ATF6: variants seen among roughly 807,000 people sequenced by gnomAD.
The protein encoded by ATF6 is activating transcription factor 6, also known as cyclic AMP-dependent transcription factor ATF-6 alpha.
A neutral mutation model predicts 83.6 loss-of-function variants in ATF6; 53 were observed. The observed-to-expected ratio is 0.63, with a 90% CI of 0.51 to 0.80. The LOEUF (loss-of-function observed/expected upper bound fraction) is 0.80, where lower values mean the gene tolerates loss of function less well. Ranked by LOEUF, ATF6 falls within the 30% of genes least tolerant of loss-of-function variation. The pLI is 0.00. For synonymous variants in ATF6, 288 were observed against 285.8 expected (o/e 1.01, Z -0.08); for missense variants, 744 against 797.9 (o/e 0.93, Z 0.81).
chr1:161,865,466 C>T (rs1158472935), intron 14 of ATF6, among the ~76,000 whole-genome samples: 1 of 152,072 alleles, frequency 6.6e-6, no homozygotes, highest in African/African-American at 2.4e-5. Context: ...CCAATCCTAG[C>T]TTTAAACAGA....
intron 6 of ATF6, among the ~76,000 whole-genome samples, chr1:161,799,863 AT>A (rs1685104142): frequency 6.6e-6 from 1 of 152,076 alleles, no homozygotes; most frequent in African/African-American, 2.4e-5. Context: ...CTTTATTTTG[AT>A]TTTTAGTTTT....
intron 6 of ATF6, among the ~76,000 whole-genome samples, chr1:161,796,779 C>T (rs1338375484): frequency 6.6e-6 from 1 of 152,100 alleles, no homozygotes; most frequent in Non-Finnish European, 1.5e-5. Context: ...TGGGGAGAGA[C>T]TATGGGTTTT....
At chr1:161,847,953 C>A (rs1005881799) in intron 10 of ATF6, among the ~76,000 whole-genome samples, 60 of 152,158 alleles carry the variant, frequency 3.9e-4, no homozygotes, top group African/African-American at 1.4e-3. Context: ...TCCCAGAAAG[C>A]ATAGTAGTCT....
intron 14 of ATF6, among the ~76,000 whole-genome samples, chr1:161,892,628 C>CTTTTTTT (rs773642361): frequency 3.7e-4 from 46 of 124,670 alleles, no homozygotes; most frequent in Admixed American, 5.3e-4. Context: ...ACAGGTCATT[C>CTTTTTTT]TTTTTTTTTT....
chr1:161,872,070 A>G (rs948919291), intron 14 of ATF6, among the ~76,000 whole-genome samples: 1 of 151,708 alleles, frequency 6.6e-6, no homozygotes, highest in African/African-American at 2.4e-5. Context: ...TAACACTTAT[A>G]CAGAACACAA....
chr1:161,814,018 G>A (rs1303609522), intron 7 of ATF6, among the ~76,000 whole-genome samples: 1 of 151,704 alleles, frequency 6.6e-6, no homozygotes, highest in Admixed American at 6.6e-5. Context: ...CCGAGTAGCT[G>A]GGATTACAGG....
intron 14 of ATF6, among the ~76,000 whole-genome samples, chr1:161,903,279 C>G (rs1687824899): frequency 6.6e-6 from 1 of 152,086 alleles, no homozygotes; most frequent in South Asian, 2.1e-4. Context: ...GGGGTGTCTC[C>G]TTTTCCTGGT....
chr1:161,785,800 C>A (rs533584579), intron 4 of ATF6, among the ~76,000 whole-genome samples: 2 of 152,080 alleles, frequency 1.3e-5, no homozygotes, highest in Non-Finnish European at 2.9e-5. Context: ...AATTTTACAT[C>A]CTCATCAGCA....
intron 9 of ATF6, among the ~76,000 whole-genome samples, chr1:161,845,736 A>G (rs1240659392): frequency 6.7e-6 from 1 of 149,654 alleles, no homozygotes; most frequent in Non-Finnish European, 1.5e-5. Flanking sequence ...TGATTGTGCC[A>G]CTGCACTCCA....
intron 15 of ATF6, among the ~76,000 whole-genome samples, chr1:161,943,843 C>A (rs1688697853): frequency 6.6e-6 from 1 of 152,192 alleles, no homozygotes; most frequent in Non-Finnish European, 1.5e-5. Context: ...TAGTTTTATC[C>A]TTAGTCTTTA....
chr1:161,912,647 G>C (rs1423687990), intron 15 of ATF6, among the ~76,000 whole-genome samples: 1 of 152,066 alleles, frequency 6.6e-6, no homozygotes, highest in Non-Finnish European at 1.5e-5. Context: ...ACTTGCATCT[G>C]CGACCCTTCT....
chr1:161,776,983 G>A (rs940596863), intron 1 of ATF6, among the ~76,000 whole-genome samples: 10 of 152,170 alleles, frequency 6.6e-5, no homozygotes, highest in Admixed American at 4.6e-4. Context: ...GAGGAAAACT[G>A]GGTAAGTGTG....
chr1:161,918,795 G>T (rs891385770), intron 15 of ATF6, among the ~76,000 whole-genome samples: 7 of 152,146 alleles, frequency 4.6e-5, no homozygotes, highest in Non-Finnish European at 8.8e-5. Context: ...GTAAAATTTT[G>T]GAGAGGGTGG....
At chr1:161,915,637 T>C (rs79442588) in intron 15 of ATF6, among the ~76,000 whole-genome samples, 1 of 151,818 alleles carries the variant, frequency 6.6e-6, no homozygotes, top group African/African-American at 2.4e-5. Flanking sequence ...TTTTTTTTTT[T>C]CCTCGAGGGA....
At chr1:161,946,618 T>A (rs773083389) in intron 15 of ATF6, among the ~76,000 whole-genome samples, 1 of 152,210 alleles carries the variant, frequency 6.6e-6, no homozygotes, top group South Asian at 2.1e-4. Flanking sequence ...GCAAAGCCCT[T>A]GGGGGATGGA....
At chr1:161,910,842 T>C (rs1687977997) in intron 14 of ATF6, among the ~76,000 whole-genome samples, 1 of 152,146 alleles carries the variant, frequency 6.6e-6, no homozygotes. Context: ...AAACAAAAAA[T>C]TCCCTTGCTG....
chr1:161,807,026 G>A (rs1200956840), intron 7 of ATF6, among the ~76,000 whole-genome samples: 1 of 152,040 alleles, frequency 6.6e-6, no homozygotes, highest in East Asian at 1.9e-4. Flanking sequence ...ATAGCAAGCA[G>A]AAAGCAAGCC....
chr1:161,877,953 A>G (rs1687249708), intron 14 of ATF6, among the ~76,000 whole-genome samples: 1 of 152,096 alleles, frequency 6.6e-6, no homozygotes, highest in Admixed American at 6.6e-5. Flanking sequence ...GGGCACGGTA[A>G]TATGTTTGGT....
At chr1:161,955,527 A>C (rs1240879181) in intron 15 of ATF6, among the ~76,000 whole-genome samples, 1 of 152,216 alleles carries the variant, frequency 6.6e-6, no homozygotes, top group East Asian at 1.9e-4. Context: ...AGCTGTTTCC[A>C]GTTTGTCCTC....
Sources: gnomAD v4.1 joint callset for allele counts (sites outside exome capture counted in the v4.1 genomes callset) on GRCh38, gnomAD v4.1.1 for gene constraint, MANE v1.5 for transcripts, NCBI Gene and HGNC (gene_info 2026-07-23, HGNC 2026-07-21) for gene names.